Variants in RSRC1 observed in about 807,000 individuals in gnomAD.
RSRC1 encodes arginine and serine rich coiled-coil 1, also known as serine/Arginine-related protein 53.
In RSRC1, 39 loss-of-function variants were observed where a neutral mutation model predicts 49.1. The ratio of observed to expected loss-of-function variants is 0.79; its 90% CI spans 0.61 to 1.04. The LOEUF (loss-of-function observed/expected upper bound fraction) is 1.04. Ranked by LOEUF, RSRC1 falls within the 50% of genes least tolerant of loss-of-function variation. The pLI is 0.00. For synonymous variants in RSRC1, 143 were observed against 130.8 expected, an observed-to-expected ratio of 1.09 and a Z score of -0.63; for missense variants, 388 against 402.4, an observed-to-expected ratio of 0.96 and a Z score of 0.31.
At chr3:158,350,012 A>G (rs953646992) in intron 5 of RSRC1, among the ~76,000 whole-genome samples, 8 of 150,778 alleles carry the variant, frequency 5.3e-5, no homozygotes, top group African/African-American at 2.0e-4. Flanking sequence ...CTGATCTATT[A>G]ATTCTATTAA....
At chr3:158,291,224 T>G (rs918552331) in intron 4 of RSRC1, among the ~76,000 whole-genome samples, 40 of 152,328 alleles carry the variant, frequency 2.6e-4, no homozygotes, top group African/African-American at 9.6e-4. Flanking sequence ...CAATTTTTCA[T>G]AATTACTATA....
intron 3 of RSRC1, among the ~76,000 whole-genome samples, chr3:158,193,316 A>C (rs1286521559): frequency 6.6e-6 from 1 of 152,106 alleles, no homozygotes; most frequent in Non-Finnish European, 1.5e-5. Flanking sequence ...TTTTACCAAA[A>C]TCCACCTCAT....
intron 6 of RSRC1, among the ~76,000 whole-genome samples, chr3:158,378,948 CTG>C (rs1732536395): frequency 4.6e-5 from 7 of 152,180 alleles, no homozygotes; most frequent in Admixed American, 4.6e-4. Context: ...ACTGACTACA[CTG>C]TTTCCCCACA....
chr3:158,283,691 A>G (rs1726316121), intron 4 of RSRC1, among the ~76,000 whole-genome samples: 1 of 152,080 alleles, frequency 6.6e-6, no homozygotes, highest in South Asian at 2.1e-4. Context: ...TATTTTGTGA[A>G]TGTGTCATTG....
Position 158,515,450 on chromosome 3 carries a change from G to A in RSRC1, c.653-21642G>A, listed in dbSNP as rs1003468172. On this transcript the variant is annotated intron_variant, in intron 7 of 9. Transcript: ENST00000611884. ...CCCCGACTCTCTTCTGGCTTGTAGC[G>A]TTTCTGCCGAGAGATCCGCTGTTAG... Among the ~76,000 whole-genome samples the A allele has an allele frequency of 4.0e-4, 55 of 135,826 alleles. 1 individual carries two copies. The highest frequency in any genetic ancestry group is 2.6e-4 in the South Asian group (1 of 3,780). The allele number at this position is 135,826 out of a possible 152,430, so 89.1% of individuals were successfully genotyped here. A position where few individuals can be genotyped will look rare whatever the true frequency, so the allele number is the denominator to read the frequency against.
chr3:158,372,206 G>T (rs1732118291), intron 6 of RSRC1, among the ~76,000 whole-genome samples: 1 of 151,740 alleles, frequency 6.6e-6, no homozygotes, highest in African/African-American at 2.4e-5. Flanking sequence ...TGTATGTATT[G>T]TGTTTTTAGT....
At chr3:158,229,211 T>TATACACAC (rs1722763223) in intron 4 of RSRC1, among the ~76,000 whole-genome samples, 2 of 150,574 alleles carry the variant, frequency 1.3e-5, no homozygotes, top group African/African-American at 4.9e-5. Flanking sequence ...TGTATATATG[T>TATACACAC]ATACACACAT....
At chr3:158,169,281 C>T (rs1004488683) in intron 3 of RSRC1, among the ~76,000 whole-genome samples, 5 of 152,082 alleles carry the variant, frequency 3.3e-5, no homozygotes, top group Non-Finnish European at 1.5e-5. Context: ...AGCATGAGTC[C>T]CAGGGATGGG....
At chr3:158,440,442 G>T (rs1221364235) in intron 6 of RSRC1, among the ~76,000 whole-genome samples, 1 of 152,058 alleles carries the variant, frequency 6.6e-6, no homozygotes, top group East Asian at 1.9e-4. Context: ...GTCTCCAGGG[G>T]ATCTTTGGAC....
At chr3:158,207,975 T>A (rs189905564) in intron 4 of RSRC1, among the ~76,000 whole-genome samples, 1 of 152,136 alleles carries the variant, frequency 6.6e-6, no homozygotes, top group Non-Finnish European at 1.5e-5. Context: ...ATGTCATAAA[T>A]TGGCCTGCTA....
chr3:158,470,820 A>AG (rs1738104879), intron 7 of RSRC1, among the ~76,000 whole-genome samples: 1 of 152,190 alleles, frequency 6.6e-6, no homozygotes, highest in African/African-American at 2.4e-5. Flanking sequence ...TCCAACGCCA[A>AG]GAAAAAAAAA....
intron 4 of RSRC1, among the ~76,000 whole-genome samples, chr3:158,292,133 A>G (rs1352183927): frequency 6.6e-6 from 1 of 152,194 alleles, no homozygotes; most frequent in African/African-American, 2.4e-5. Flanking sequence ...TGTCTGCTTC[A>G]TACGTGTTGA....
At chr3:158,512,590 C>T (rs1035749730) in intron 7 of RSRC1, among the ~76,000 whole-genome samples, 4 of 152,008 alleles carry the variant, frequency 2.6e-5, no homozygotes, top group Non-Finnish European at 4.4e-5. Flanking sequence ...ATTGACTTGG[C>T]GATGCGGGCT....
intron 3 of RSRC1, among the ~76,000 whole-genome samples, chr3:158,189,214 T>C (rs965435170): frequency 3.3e-5 from 5 of 151,952 alleles, no homozygotes; most frequent in Non-Finnish European, 7.4e-5. Context: ...TGAAATGTGT[T>C]GAGGCTACCT....
intron 1 of RSRC1, among the ~76,000 whole-genome samples, chr3:158,118,376 G>A (rs1172268992): frequency 6.7e-6 from 1 of 149,616 alleles, no homozygotes; most frequent in African/African-American, 2.5e-5. Context: ...TAGTACTAGA[G>A]GCATGTGCCA....
Position 158,426,537 on chromosome 3 carries a change from A to G in RSRC1, c.584-34398A>G, listed in dbSNP as rs554213904. On this transcript the variant is annotated intron_variant, in intron 6 of 9. Transcript: ENST00000611884. ...AGACTGCCAAAAATCAAAAAGTCCAACACTACCAGATGATAATAAGAATAT... is the reference window on the plus strand; with the variant it reads ...AGACTGCCAAAAATCAAAAAGTCCAGCACTACCAGATGATAATAAGAATAT... 8.6e-5 allele frequency among the ~76,000 whole-genome samples: 13 copies of G among 151,692 alleles called. No homozygotes were observed. The South Asian group carries it at 1.0e-3, about 12-fold the overall frequency.
chr3:158,387,233 GT>G (rs1323376858), intron 6 of RSRC1, among the ~76,000 whole-genome samples: 1 of 152,080 alleles, frequency 6.6e-6, no homozygotes, highest in Non-Finnish European at 1.5e-5. Flanking sequence ...GAGCCATTCA[GT>G]CACGTTTAAT....
intron 6 of RSRC1, among the ~76,000 whole-genome samples, chr3:158,378,532 A>C (rs919636959): frequency 6.6e-6 from 1 of 152,246 alleles, no homozygotes; most frequent in South Asian, 2.1e-4. Flanking sequence ...GGATAGACCC[A>C]AATTGTAACT....
intron 7 of RSRC1, among the ~76,000 whole-genome samples, chr3:158,515,735 C>G (rs1370141840): frequency 2.0e-5 from 3 of 150,058 alleles, no homozygotes; most frequent in African/African-American, 4.9e-5. Context: ...TTCAGGTACA[C>G]CAATCAGACG....
Sources: gnomAD v4.1 joint callset for allele counts (sites outside exome capture counted in the v4.1 genomes callset) on GRCh38, gnomAD v4.1.1 for gene constraint, MANE v1.5 for transcripts, NCBI Gene and HGNC (gene_info 2026-07-23, HGNC 2026-07-21) for gene names.